The following SORBS2 variants were observed in gnomAD, a reference collection of about 807,000 sequenced individuals.
SORBS2 encodes the protein sorbin and SH3 domain-containing protein 2.
Under a neutral mutation model 97.7 loss-of-function variants are expected in SORBS2, and 46 were observed. The observed-to-expected ratio is 0.47, with a 90% CI of 0.37 to 0.60. SORBS2 has a LOEUF of 0.60. Ranked by LOEUF, SORBS2 falls within the 20% of genes least tolerant of loss-of-function variation. SORBS2 has a pLI of 0.00. For synonymous variants in SORBS2, 476 were observed against 473.4 expected, an observed-to-expected ratio of 1.01 and a Z score of -0.07; for missense variants, 1,316 against 1,282.3, an observed-to-expected ratio of 1.03 and a Z score of -0.40.
intron 1 of SORBS2, among the ~76,000 whole-genome samples, chr4:185,832,987 C>A (rs1241143770): frequency 6.6e-6 from 1 of 152,018 alleles, no homozygotes; most frequent in Non-Finnish European, 1.5e-5. Context: ...ATGGCAGAAA[C>A]CTAAAGCAGT....
intron 1 of SORBS2, among the ~76,000 whole-genome samples, chr4:185,893,653 A>G (rs2099243573): frequency 6.6e-6 from 1 of 152,136 alleles, no homozygotes; most frequent in Admixed American, 6.5e-5. Context: ...TCCCACAAAC[A>G]TGAGACTCAA....
Position 185,649,513 on chromosome 4 carries a change from GT to G in SORBS2, c.234del (p.Pro79LeufsTer62), listed in dbSNP as rs1474690207. ...CTTGGTCGAAGCGGCGGGACTGGAG[GT>G]GGAACATGTGGGGGAGGCACTGGGG... On this transcript the variant is annotated frameshift_variant, in exon 3 of 15. Coordinates refer to ENST00000418609, the Ensembl canonical transcript of SORBS2. LOFTEE classifies it high-confidence loss of function. The G allele has an allele frequency of 6.2e-7, 1 of 1,603,252 alleles. No homozygotes were observed. Among genetic ancestry groups the G allele is most frequent in the South Asian group, 1.1e-5 (1 of 89,744 alleles).
At chr4:185,906,330 G>T (rs536348415) in intron 1 of SORBS2, among the ~76,000 whole-genome samples, 2 of 152,280 alleles carry the variant, frequency 1.3e-5, no homozygotes, top group East Asian at 3.9e-4. Context: ...ACCACGCCTG[G>T]CCTGTTTATT....
chr4:185,797,418 C>G (rs2099110062), intron 1 of SORBS2, among the ~76,000 whole-genome samples: 1 of 152,166 alleles, frequency 6.6e-6, no homozygotes, highest in Non-Finnish European at 1.5e-5. Flanking sequence ...ATGATCATTA[C>G]TTTTCCTCTG....
At chr4:185,754,002 T>C (rs1375943042) in intron 2 of SORBS2, among the ~76,000 whole-genome samples, 1 of 152,204 alleles carries the variant, frequency 6.6e-6, no homozygotes, top group South Asian at 2.1e-4. Context: ...TGCACGCATA[T>C]ATTCATTGCA....
intron 2 of SORBS2, among the ~76,000 whole-genome samples, chr4:185,737,501 G>A (rs1207715261): frequency 6.6e-6 from 1 of 152,166 alleles, no homozygotes; most frequent in African/African-American, 2.4e-5. Context: ...GGAGAAACGG[G>A]GAATTCTGTC....
intron 1 of SORBS2, among the ~76,000 whole-genome samples, chr4:185,789,378 G>A (rs1012027588): frequency 1.3e-5 from 2 of 151,758 alleles, no homozygotes; most frequent in Non-Finnish European, 2.9e-5. Flanking sequence ...AGCTACAAAG[G>A]TACTCAGGGA....
At chr4:185,715,423 C>T (rs1177854235) in intron 2 of SORBS2, among the ~76,000 whole-genome samples, 2 of 150,510 alleles carry the variant, frequency 1.3e-5, no homozygotes, top group Non-Finnish European at 3.0e-5. Flanking sequence ...AAGGAACAGA[C>T]ACGAAATAAA....
chr4:185,886,106 T>C (rs564848652), intron 1 of SORBS2, among the ~76,000 whole-genome samples: 5 of 152,238 alleles, frequency 3.3e-5, no homozygotes, highest in South Asian at 2.1e-4. Context: ...CCCTGGGCGA[T>C]TGGGGAAAAC....
intron 1 of SORBS2, among the ~76,000 whole-genome samples, chr4:185,654,148 C>T (rs547189167): frequency 2.6e-5 from 4 of 152,314 alleles, no homozygotes; most frequent in South Asian, 2.1e-4. Flanking sequence ...GTCAGCTCTT[C>T]ATTCTCGGCT....
intron 2 of SORBS2, among the ~76,000 whole-genome samples, chr4:185,731,898 ATATATATATATG>A (rs1284874415): frequency 2.2e-3 from 189 of 86,164 alleles, no homozygotes; most frequent in African/African-American, 4.9e-3. Flanking sequence ...ATATATATAT[ATATATATATATG>A]TCTGTTTCTC....
intron 1 of SORBS2, among the ~76,000 whole-genome samples, chr4:185,923,883 T>A (rs577662431): frequency 2.0e-5 from 3 of 152,340 alleles, no homozygotes; most frequent in African/African-American, 7.2e-5. Flanking sequence ...CCTTGGATAC[T>A]TTCCTGAATA....
At chr4:185,676,349 G>A (rs1470800291) in intron 4 of SORBS2, among the ~76,000 whole-genome samples, 6 of 152,210 alleles carry the variant, frequency 3.9e-5, no homozygotes, top group Admixed American at 2.6e-4. Context: ...GTCAAAAAGA[G>A]AAGCACATTT....
intron 2 of SORBS2, among the ~76,000 whole-genome samples, chr4:185,682,509 A>G (rs2097886191): frequency 6.6e-6 from 1 of 152,158 alleles, no homozygotes; most frequent in Admixed American, 6.5e-5. Flanking sequence ...CTGATCAGAG[A>G]AGGGAGTGAA....
At position 185,744,720 on chromosome 4, in the gene SORBS2, C is replaced by T. The variant is rs573922618; in HGVS notation, c.-198+30507G>A. Among the ~76,000 whole-genome samples, 19 of 152,284 alleles carry T rather than the reference C, an allele frequency of 1.2e-4. No individual in the cohort carries two copies. In the South Asian group the frequency reaches 2.9e-3, roughly 23 times the overall value. ...CAATGTCCAAGTCCACCAAATGGTC[C>T]AACATTCAGAGATGAAATTATGTCA... On this transcript the variant is annotated intron_variant, in intron 2 of 20. Coordinates refer to the SORBS2 transcript ENST00000284776.
chr4:185,898,036 C>T (rs1038595233), intron 1 of SORBS2, among the ~76,000 whole-genome samples: 1 of 152,176 alleles, frequency 6.6e-6, no homozygotes, highest in African/African-American at 2.4e-5. Context: ...GACCCCGTCT[C>T]AAACAAACAA....
At chr4:185,906,717 T>C (rs769187101) in intron 1 of SORBS2, among the ~76,000 whole-genome samples, 70 of 152,344 alleles carry the variant, frequency 4.6e-4, no homozygotes, top group Admixed American at 2.4e-3. Flanking sequence ...CTCTAATACA[T>C]GTGAATATGG....
intron 1 of SORBS2, among the ~76,000 whole-genome samples, chr4:185,783,756 T>C (rs1050543651): frequency 6.6e-6 from 1 of 152,216 alleles, no homozygotes; most frequent in Admixed American, 6.5e-5. Flanking sequence ...GAAGCTGCCC[T>C]CTGAATCAGA....
intron 1 of SORBS2, among the ~76,000 whole-genome samples, chr4:185,807,677 G>A (rs942980779): frequency 1.3e-5 from 2 of 152,186 alleles, no homozygotes; most frequent in Admixed American, 6.5e-5. Context: ...TTGCAGAAGT[G>A]TTTCCTTTTA....
Sources: gnomAD v4.1 joint callset for allele counts (sites outside exome capture counted in the v4.1 genomes callset) on GRCh38, gnomAD v4.1.1 for gene constraint, MANE v1.5 for transcripts, NCBI Gene and HGNC (gene_info 2026-07-23, HGNC 2026-07-21) for gene names.